Variants in DGKD observed in about 807,000 individuals in gnomAD.
DGKD encodes the protein DAG kinase delta.
DGKD carries 68 observed loss-of-function variants against 154.4 expected under a neutral mutation model. That is an observed-to-expected ratio of 0.44 (90% confidence interval 0.36 to 0.54). DGKD has a LOEUF of 0.54. Ranked by LOEUF, DGKD falls within the 20% of genes least tolerant of loss-of-function variation. The pLI is 0.00. For synonymous variants in DGKD, 693 were observed against 638.0 expected (o/e 1.09, Z -1.30); for missense variants, 1,343 against 1,593.6 (o/e 0.84, Z 2.68).
chr2:233,443,088 G>A (rs76218013), intron 10 of DGKD, among the ~76,000 whole-genome samples: 4,316 of 152,286 alleles, frequency 0.028, 106 homozygotes, highest in Non-Finnish European at 0.037. Context: ...CCAAGCTTAA[G>A]TATTGAAATG....
At chr2:233,428,043 C>A (rs919780578) in intron 3 of DGKD, among the ~76,000 whole-genome samples, 4 of 152,152 alleles carry the variant, frequency 2.6e-5, no homozygotes, top group Admixed American at 2.0e-4. Flanking sequence ...AGAACATCCC[C>A]CAGAATCAGC....
intron 1 of DGKD, among the ~76,000 whole-genome samples, chr2:233,359,554 C>T (rs528259811): frequency 6.7e-6 from 1 of 150,100 alleles, no homozygotes; most frequent in African/African-American, 2.5e-5. Context: ...TTCTCCAGCT[C>T]AGGCTGGTCT....
chr2:233,407,502 A>G lies in DGKD; in HGVS notation c.348+17019A>G, dbSNP rs564322033. Among the ~76,000 whole-genome samples the G allele has an allele frequency of 2.6e-5, 4 of 152,348 alleles. No individual in the cohort carries two copies. In the South Asian group the frequency reaches 8.3e-4, roughly 32 times the overall value. ...TTGTCATGGCAGAGCACGGTGGCTC[A>G]TGCCTGTAATCCCAGCATTTTGGGA... On this transcript the variant is annotated intron_variant, in intron 3 of 29. Transcript: ENST00000264057.
At position 233,445,584 on chromosome 2, in the gene DGKD, C is replaced by A. The variant is rs773630709; in HGVS notation, c.1195-39C>A. The A allele has an allele frequency of 2.2e-5, 35 of 1,559,648 alleles. No homozygotes were observed. Among genetic ancestry groups the A allele is most frequent in the Non-Finnish European group, 3.0e-5 (35 of 1,151,206 alleles). ...CGGGCTGGGAAGTGGCCCCTGCCCC[C>A]AGGTGTTTGCCTGCGCATCGTCCCC... On this transcript the variant is annotated intron_variant, in intron 10 of 29. Transcript: ENST00000264057. This position sits in a 1 kb window ranked among gnomAD's most constrained non-coding sequence, Gnocchi z 5.5.
chr2:233,424,264 G>C (rs1022248148), intron 3 of DGKD, among the ~76,000 whole-genome samples: 1 of 152,136 alleles, frequency 6.6e-6, no homozygotes, highest in Non-Finnish European at 1.5e-5. Context: ...TGAGATCCAC[G>C]TCCAGATCCC....
chr2:233,411,426 C>T (rs1456624733), intron 3 of DGKD, among the ~76,000 whole-genome samples: 1 of 152,142 alleles, frequency 6.6e-6, no homozygotes, highest in East Asian at 1.9e-4. Context: ...CTTTAATTTC[C>T]ATTTCCCTGA....
In DGKD at chr2:233,434,472, G is replaced by C; in HGVS notation, c.441G>C (p.Arg147Ser). The change falls in exon 4 of 30, where the codon AGG becomes AGC. Residue 147 changes from arginine to serine, a missense_variant. Arg to Ser is a moderately radical substitution (Grantham distance 110, BLOSUM62 -1). Transcript: ENST00000264057. ...CAGCATTAAAGACTGTGCAGAACAG[G>C]GAGCACTTTGAGGTTAAAAAAGAAA... Reference protein sequence around the residue: ...WIAALKTVQNREHFEPTQYSM... With the variant: ...WIAALKTVQNSEHFEPTQYSM... The C allele has an allele frequency of 6.2e-7, 1 of 1,613,996 alleles. No individual in the cohort carries two copies. Among genetic ancestry groups the C allele is most frequent in the Non-Finnish European group, 8.5e-7 (1 of 1,179,958 alleles).
At chr2:233,366,380 T>C (rs1327700469) in intron 1 of DGKD, among the ~76,000 whole-genome samples, 1 of 151,892 alleles carries the variant, frequency 6.6e-6, no homozygotes, top group Non-Finnish European at 1.5e-5. Flanking sequence ...GTAGCTGGAT[T>C]TGAGAGATGC....
At chr2:233,413,482 A>G (rs539187284) in intron 3 of DGKD, among the ~76,000 whole-genome samples, 4 of 150,190 alleles carry the variant, frequency 2.7e-5, no homozygotes, top group Non-Finnish European at 4.4e-5. Flanking sequence ...CCTCTGATTT[A>G]TGTCTGTTGG....
chr2:233,354,568 C>T lies in DGKD; in HGVS notation c.50C>T (p.Pro17Leu), dbSNP rs764383017. The T allele has an allele frequency of 3.8e-6, 4 of 1,062,512 alleles. No individual in the cohort carries two copies. The highest frequency in any genetic ancestry group is 2.5e-5 in the South Asian group (1 of 40,468). 65.8% of individuals were successfully genotyped at this position (1,062,512 alleles called of 1,614,324 possible). A position where few individuals can be genotyped will look rare whatever the true frequency, so the allele number is the denominator to read the frequency against. Residue 17 changes from proline to leucine, a missense_variant, in exon 1 of 30, where the codon CCG becomes CTG. Coordinates refer to ENST00000264057, the MANE Select transcript of DGKD (RefSeq NM_152879.3). The surrounding 1 kb of genome is among the most constrained non-coding windows in gnomAD (Gnocchi z 4.8). ...APPPGPPQPP[P>L]PPPPEESSDS... ...CCGCCGGGTCCCCCGCAACCGCCTCCGCCGCCGCCGCCCGAGGAGTCGTCC... is the reference window on the plus strand; with the variant it reads ...CCGCCGGGTCCCCCGCAACCGCCTCTGCCGCCGCCGCCCGAGGAGTCGTCC...
chr2:233,454,048 A>G (rs1193516721), intron 18 of DGKD, among the ~76,000 whole-genome samples: 4 of 152,172 alleles, frequency 2.6e-5, no homozygotes, highest in Non-Finnish European at 5.9e-5. Context: ...GTGGAGTGTA[A>G]GATGGGCAGC....
intron 1 of DGKD, among the ~76,000 whole-genome samples, chr2:233,382,865 C>T (rs191734090): frequency 3.3e-5 from 5 of 152,254 alleles, no homozygotes; most frequent in African/African-American, 7.2e-5. Flanking sequence ...CCCACCTGCG[C>T]GGCTGAGTGC....
At chr2:233,408,213 T>C (rs1436126074) in intron 3 of DGKD, among the ~76,000 whole-genome samples, 1 of 152,136 alleles carries the variant, frequency 6.6e-6, no homozygotes, top group Non-Finnish European at 1.5e-5. Flanking sequence ...TGGCAAACTT[T>C]GTATTTTTAG....
At chr2:233,388,120 A>G (rs1272080544) in intron 1 of DGKD, 137 bp from the exon 2 acceptor site, 3 of 1,518,370 alleles carry the variant, frequency 2.0e-6, no homozygotes, top group Non-Finnish European at 2.6e-6. Flanking sequence ...GCATAGGTCA[A>G]GGTCTGTTGA....
chr2:233,449,524 A>C lies in DGKD; in HGVS notation c.1888+148A>C. ...ACCCATGTCCAGGCACCAGACCCCC[A>C]ACGAGTTCGCTTGCCCTCCTTCCAC... is the stretch of plus-strand genomic sequence containing the variant. On this transcript the variant is annotated intron_variant, in intron 15 of 29. Transcript: ENST00000264057. This position sits in a 1 kb window ranked among gnomAD's most constrained non-coding sequence, Gnocchi z 5.3. 3 of 1,170,312 alleles carry C rather than the reference A, an allele frequency of 2.6e-6. No homozygotes were observed. Among genetic ancestry groups the C allele is most frequent in the Non-Finnish European group, 2.3e-6 (2 of 856,444 alleles). 72.5% of individuals were successfully genotyped at this position (1,170,312 alleles called of 1,614,324 possible). A position where few individuals can be genotyped will look rare whatever the true frequency, so the allele number is the denominator to read the frequency against.
At chr2:233,356,888 C>T (rs1701553903) in intron 1 of DGKD, among the ~76,000 whole-genome samples, 1 of 151,478 alleles carries the variant, frequency 6.6e-6, no homozygotes, top group Admixed American at 6.6e-5. Context: ...ATAATAGAAA[C>T]ATCAAAAATG....
rs574542689 is a variant in DGKD at position 233,459,490 on chromosome 2, G to T, written c.2695-267G>T. On this transcript the variant is annotated intron_variant, in intron 22 of 29. Transcript: ENST00000264057. This position sits in a 1 kb window ranked among gnomAD's most constrained non-coding sequence, Gnocchi z 5.7. ...CTGCCCCTGGGTTCTGACACCTGTT[G>T]TCTCAGCACCAAGGTCTCCTGCACT... Among the ~76,000 whole-genome samples the T allele has an allele frequency of 1.3e-5, 2 of 149,718 alleles. No individual in the cohort carries two copies. Among genetic ancestry groups the T allele is most frequent in the Admixed American group, 6.6e-5 (1 of 15,058 alleles).
intron 3 of DGKD, among the ~76,000 whole-genome samples, chr2:233,398,628 G>A (rs1269048632): frequency 1.3e-5 from 2 of 151,522 alleles, no homozygotes; most frequent in African/African-American, 2.4e-5. Flanking sequence ...CAAGTCCTAC[G>A]CTTGTTTGCT....
intron 3 of DGKD, among the ~76,000 whole-genome samples, chr2:233,426,972 A>G (rs906555842): frequency 7.9e-5 from 12 of 152,204 alleles, no homozygotes; most frequent in African/African-American, 2.9e-4. Context: ...TAGCTATTCA[A>G]GTCTTTCGTC....
Sources: gnomAD v4.1 joint callset for allele counts (sites outside exome capture counted in the v4.1 genomes callset) on GRCh38, gnomAD v4.1.1 for gene constraint, Gnocchi (gnomAD v3.1) non-coding constraint, MANE v1.5 for transcripts, NCBI Gene and HGNC (gene_info 2026-07-23, HGNC 2026-07-21) for gene names.